The following COL27A1 variants were observed in gnomAD, a reference collection of about 807,000 sequenced individuals.
COL27A1 encodes collagen type XXVII alpha 1 chain, also known as collagen alpha-1(XXVII) chain.
COL27A1 carries 106 observed loss-of-function variants against 251.3 expected under a neutral mutation model. The observed-to-expected ratio is 0.42, with a 90% confidence interval of 0.36 to 0.50. The LOEUF is 0.50. COL27A1 is among the 20% of genes least tolerant of loss of function. COL27A1 has a pLI of 0.00. For missense variants in COL27A1, 2,325 were observed against 2,522.8 expected, an observed-to-expected ratio of 0.92 and a Z score of 1.68; for synonymous variants, 1,000 against 986.3, an observed-to-expected ratio of 1.01 and a Z score of -0.26.
At position 114,167,878 on chromosome 9, in the gene COL27A1, G is replaced by C. The variant is rs764962397; in HGVS notation, c.323G>C (p.Arg108Pro). Residue 108 changes from arginine to proline, a missense_variant, in exon 3 of 61, where the codon CGG (arginine) becomes CCG (proline). This residue lies in a region of COL27A1 where 1,183 missense variants were observed against 1,144.1 expected (regional missense o/e 1.03). Coordinates refer to ENST00000356083, the MANE Select transcript of COL27A1 (RefSeq NM_032888.4). ...CTGGTGCTGAGCCTCTGCTCCCACC[G>C]GGTGAACCATGCCTTCCTCTTCGCT... is the stretch of plus-strand genomic sequence containing the variant. ...LALVLSLCSH[R>P]VNHAFLFAVR... The C allele has an allele frequency of 5.0e-6, 8 of 1,613,368 alleles. 1 individual carries two copies. The South Asian group carries it at 6.6e-5, about 13-fold the overall frequency.
At chr9:114,161,459 A>G (rs1386648469) in intron 1 of COL27A1, among the ~76,000 whole-genome samples, 2 of 152,154 alleles carry the variant, frequency 1.3e-5, no homozygotes, top group African/African-American at 4.8e-5. Flanking sequence ...TGTAATCACC[A>G]GTGTCTTCAC....
intron 24 of COL27A1, among the ~76,000 whole-genome samples, chr9:114,250,055 C>T (rs1038264653): frequency 3.3e-5 from 5 of 152,228 alleles, no homozygotes; most frequent in African/African-American, 9.6e-5. Context: ...TGTCACCCAG[C>T]GGAGTTCAGC....
In COL27A1 at chr9:114,309,497, C is replaced by T. The variant is rs772283723; in HGVS notation, c.5436+19C>T. On this transcript the variant is annotated intron_variant, in intron 60 of 60. Coordinates refer to ENST00000356083, the MANE Select transcript of COL27A1 (RefSeq NM_032888.4). ...CTGCAAGGTAACTCTCAGAGCCCCT[C>T]CTAGGCCCTTCATGTGGGGACAACT... 3.8e-6 allele frequency: 6 copies of T among 1,597,728 alleles called. No homozygotes were observed. The highest frequency in any genetic ancestry group is 5.1e-6 in the Non-Finnish European group (6 of 1,166,750).
At chr9:114,224,898 C>T (rs1478114196) in intron 14 of COL27A1, among the ~76,000 whole-genome samples, 1 of 152,088 alleles carries the variant, frequency 6.6e-6, no homozygotes, top group African/African-American at 2.4e-5. Context: ...CTCAAGCGAT[C>T]TGCCCACCTC....
intron 59 of COL27A1, 38 bp from the exon 60 acceptor site, chr9:114,309,222 G>T (rs368605588): frequency 1.2e-4 from 187 of 1,583,218 alleles, no homozygotes; most frequent in Non-Finnish European, 1.6e-4. Flanking sequence ...GGGTGTGGGG[G>T]GCAGCCTGAG....
chr9:114,182,354 C>T (rs1042487173), intron 4 of COL27A1, among the ~76,000 whole-genome samples: 4 of 151,030 alleles, frequency 2.6e-5, no homozygotes, highest in Non-Finnish European at 4.4e-5. Flanking sequence ...CTAGCCCAGG[C>T]GACAGAGCAA....
rs112023314 is a variant in COL27A1 at position 114,307,229 on chromosome 9, C to G, written c.5108-440C>G. 5.7e-3 allele frequency: 994 copies of G among 174,668 alleles called. 15 individuals are homozygous for G. The highest frequency in any genetic ancestry group is 0.022 in the African/African-American group (916 of 41,886). 10.8% of individuals were successfully genotyped at this position (174,668 alleles called of 1,614,324 possible). A position where few individuals can be genotyped will look rare whatever the true frequency, so the allele number is the denominator to read the frequency against. ...GCAAAGGTTTTGGCTTCCTGAGAAG[C>G]CCAGTGGGGAAGCTAGATGTAAGCA... On this transcript the variant is annotated intron_variant, in intron 58 of 60. Transcript: ENST00000356083.
At chr9:114,225,069 T>C (rs1315518044) in intron 14 of COL27A1, among the ~76,000 whole-genome samples, 1 of 152,226 alleles carries the variant, frequency 6.6e-6, no homozygotes, top group Non-Finnish European at 1.5e-5. Context: ...AAAATGTCAC[T>C]CATTGTTTAT....
intron 17 of COL27A1, 24 bp downstream of exon 17, chr9:114,235,676 C>CCCCCAG (rs1832335828): frequency 6.3e-7 from 1 of 1,584,876 alleles, no homozygotes; most frequent in Middle Eastern, 1.7e-4. Context: ...ATTTTCCCCT[C>CCCCCAG]CCCCTGCCCC....
At chr9:114,208,552 C>A (rs1184438820) in intron 10 of COL27A1, among the ~76,000 whole-genome samples, 9 of 152,100 alleles carry the variant, frequency 5.9e-5, no homozygotes, top group African/African-American at 2.2e-4. Context: ...GGCAGCAGGC[C>A]TGGCCTATCA....
intron 5 of COL27A1, among the ~76,000 whole-genome samples, chr9:114,189,308 C>T (rs1036056839): frequency 3.3e-5 from 5 of 152,210 alleles, no homozygotes; most frequent in Non-Finnish European, 5.9e-5. Context: ...GTTAAACCAT[C>T]TTTCCTCCAC....
chr9:114,170,139 C>T (rs964460138), intron 3 of COL27A1, among the ~76,000 whole-genome samples: 7 of 152,320 alleles, frequency 4.6e-5, no homozygotes, highest in East Asian at 1.9e-4. Flanking sequence ...CTGAGTCTTC[C>T]GACCAGTCCT....
At chr9:114,244,525 C>T (rs903116676) in intron 23 of COL27A1, among the ~76,000 whole-genome samples, 9 of 152,152 alleles carry the variant, frequency 5.9e-5, no homozygotes, top group East Asian at 1.9e-4. Flanking sequence ...AAAAGATTGT[C>T]GGGTCAAGTT....
Position 114,174,009 on chromosome 9 carries a change from G to T in COL27A1, c.1909-4282G>T, listed in dbSNP as rs185469869. Among the ~76,000 whole-genome samples, 665 of 151,124 alleles carry T rather than the reference G, an allele frequency of 4.4e-3. 4 individuals carry two copies. The highest frequency in any genetic ancestry group is 0.015 in the African/African-American group (608 of 41,106). Reference sequence around the variant, plus strand: ...TTTTTTTTTTTTGAGACAGAGTCTTGCTCTGTTGCCCAGGCTAGAGTATAG... The same window carrying T: ...TTTTTTTTTTTTGAGACAGAGTCTTTCTCTGTTGCCCAGGCTAGAGTATAG... On this transcript the variant is annotated intron_variant, in intron 3 of 60. Transcript: ENST00000356083.
At chr9:114,179,466 C>T (rs867233766) in intron 4 of COL27A1, among the ~76,000 whole-genome samples, 8 of 152,252 alleles carry the variant, frequency 5.3e-5, no homozygotes, top group Non-Finnish European at 7.3e-5. Flanking sequence ...CAAGCCTCTG[C>T]GGTTTTGCTC....
intron 24 of COL27A1, among the ~76,000 whole-genome samples, chr9:114,249,979 G>T (rs1362551059): frequency 6.6e-6 from 1 of 152,196 alleles, no homozygotes; most frequent in African/African-American, 2.4e-5. Context: ...GTGCGTGTTT[G>T]CTTGCTCAGG....
At chr9:114,166,449 A>ATCCATCCG (rs1554786457) in intron 2 of COL27A1, among the ~76,000 whole-genome samples, 5 of 150,572 alleles carry the variant, frequency 3.3e-5, no homozygotes, top group Non-Finnish European at 7.4e-5. Context: ...TCATCTATCC[A>ATCCATCCG]TCCATCCATC....
chr9:114,224,972 T>A (rs1831369745), intron 14 of COL27A1, among the ~76,000 whole-genome samples: 1 of 152,184 alleles, frequency 6.6e-6, no homozygotes. Context: ...TGCTCTCCGC[T>A]GCACTCCACT....
chr9:114,254,604 G>C (rs182652948), intron 27 of COL27A1, among the ~76,000 whole-genome samples: 24 of 152,280 alleles, frequency 1.6e-4, no homozygotes, highest in Non-Finnish European at 2.6e-4. Context: ...GATGAGCTCA[G>C]GTTGCCTGGG....
Sources: gnomAD v4.1 joint callset for allele counts (sites outside exome capture counted in the v4.1 genomes callset) on GRCh38, gnomAD v4.1.1 for gene constraint, gnomAD v4.1.1 regional missense constraint, MANE v1.5 for transcripts, NCBI Gene and HGNC (gene_info 2026-07-23, HGNC 2026-07-21) for gene names.